MDGA2: variants seen among roughly 807,000 people sequenced by gnomAD.
The protein encoded by MDGA2 is MAM domain containing glycosylphosphatidylinositol anchor 2.
In MDGA2, 40 loss-of-function variants were observed where a neutral mutation model predicts 117.8. The ratio of observed to expected loss-of-function variants is 0.34; its 90% CI spans 0.26 to 0.44. MDGA2 has a LOEUF of 0.44. MDGA2 is among the 20% of genes least tolerant of loss of function. The pLI, the probability that MDGA2 is intolerant of heterozygous loss-of-function variation, is 1.00. For synonymous variants in MDGA2, 452 were observed against 439.0 expected, an observed-to-expected ratio of 1.03 and a Z score of -0.37; for missense variants, 1,123 against 1,250.6, an observed-to-expected ratio of 0.90 and a Z score of 1.54.
intron 10 of MDGA2, among the ~76,000 whole-genome samples, chr14:46,905,654 G>C (rs1883461266): frequency 6.6e-6 from 1 of 152,066 alleles, no homozygotes; most frequent in African/African-American, 2.4e-5. Flanking sequence ...TATATTGCTA[G>C]ATGCTTTGAG....
intron 10 of MDGA2, among the ~76,000 whole-genome samples, chr14:46,900,420 T>G (rs1173814856): frequency 2.0e-5 from 3 of 152,180 alleles, no homozygotes; most frequent in Non-Finnish European, 2.9e-5. Flanking sequence ...ATGCTTATAG[T>G]ACCTTTACTG....
chr14:47,146,883 C>G (rs1318322309), intron 3 of MDGA2, among the ~76,000 whole-genome samples: 39 of 152,180 alleles, frequency 2.6e-4, no homozygotes, highest in Admixed American at 2.6e-3. Context: ...CAGGAATAAA[C>G]CAAACCTGTT....
At chr14:47,425,359 T>C (rs1892665982) in intron 1 of MDGA2, among the ~76,000 whole-genome samples, 1 of 152,112 alleles carries the variant, frequency 6.6e-6, no homozygotes, top group Non-Finnish European at 1.5e-5. Flanking sequence ...TCATTTAATT[T>C]CAGTAGGAGA....
At chr14:47,144,973 TCCA>T (rs1882882434) in intron 3 of MDGA2, among the ~76,000 whole-genome samples, 1 of 151,808 alleles carries the variant, frequency 6.6e-6, no homozygotes, top group African/African-American at 2.4e-5. Flanking sequence ...TACTTCTTTT[TCCA>T]ATTATTTATA....
At chr14:47,259,342 A>C (rs1379540335) in intron 2 of MDGA2, among the ~76,000 whole-genome samples, 3 of 152,118 alleles carry the variant, frequency 2.0e-5, no homozygotes. Flanking sequence ...TTCTACTTGC[A>C]TACCCTTGTT....
At chr14:46,950,934 T>G (rs1288036393) in intron 9 of MDGA2, among the ~76,000 whole-genome samples, 1 of 151,834 alleles carries the variant, frequency 6.6e-6, no homozygotes, top group Non-Finnish European at 1.5e-5. Context: ...TCTGCTTTAG[T>G]AGTTGTTTCT....
At chr14:47,144,033 G>A in intron 4 of MDGA2, 45 bp downstream of exon 4, 1 of 1,354,806 alleles carries the variant, frequency 7.4e-7, no homozygotes, top group Non-Finnish European at 9.9e-7. Flanking sequence ...AATTAGGAAA[G>A]TATCCTAGCA....
chr14:47,356,157 C>G (rs982953904), intron 1 of MDGA2, among the ~76,000 whole-genome samples: 1 of 152,234 alleles, frequency 6.6e-6, no homozygotes, highest in African/African-American at 2.4e-5. Context: ...AGCCCAGGAG[C>G]CCCTAGAGGA....
chr14:47,476,050 A>C (rs1893829327), intron 1 of MDGA2, among the ~76,000 whole-genome samples: 1 of 152,242 alleles, frequency 6.6e-6, no homozygotes, highest in Admixed American at 6.5e-5. Context: ...TAAAGTAAAA[A>C]AAATCAATTT....
intron 1 of MDGA2, among the ~76,000 whole-genome samples, chr14:47,659,735 C>A (rs1165039967): frequency 6.6e-6 from 1 of 152,154 alleles, no homozygotes; most frequent in African/African-American, 2.4e-5. Context: ...CAGAGAAAGA[C>A]TTTAAAAAGG....
intron 7 of MDGA2, among the ~76,000 whole-genome samples, chr14:47,057,529 A>G (rs573633129): frequency 2.0e-4 from 31 of 152,224 alleles, no homozygotes; most frequent in African/African-American, 7.2e-4. Flanking sequence ...AAGTAAGACA[A>G]CCTATAATCA....
intron 1 of MDGA2, among the ~76,000 whole-genome samples, chr14:47,469,567 G>C (rs1893677754): frequency 1.3e-5 from 2 of 151,968 alleles, no homozygotes; most frequent in Non-Finnish European, 2.9e-5. Flanking sequence ...TGGACATTTG[G>C]GTTGGTTCCA....
intron 1 of MDGA2, among the ~76,000 whole-genome samples, chr14:47,447,317 T>G (rs1292909263): frequency 1.3e-5 from 2 of 152,250 alleles, no homozygotes; most frequent in East Asian, 3.9e-4. Context: ...CCAATGCCTC[T>G]CTCTGCTTCC....
intron 10 of MDGA2, among the ~76,000 whole-genome samples, chr14:46,906,034 AAG>A (rs1161504118): frequency 1.3e-5 from 2 of 151,982 alleles, no homozygotes; most frequent in Non-Finnish European, 1.5e-5. Context: ...CATTATATAA[AAG>A]AGTCATCAAT....
chr14:47,578,193 T>C (rs934196618), intron 1 of MDGA2, among the ~76,000 whole-genome samples: 1 of 151,962 alleles, frequency 6.6e-6, no homozygotes, highest in African/African-American at 2.4e-5. Flanking sequence ...CTACATGTTC[T>C]CACTCGTAAG....
intron 1 of MDGA2, among the ~76,000 whole-genome samples, chr14:47,476,201 T>C (rs1315563254): frequency 6.6e-6 from 1 of 152,176 alleles, no homozygotes; most frequent in Non-Finnish European, 1.5e-5. Context: ...TGAAATCTAG[T>C]GTTGGACATG....
chr14:47,380,664 G>A (rs1193043500), intron 1 of MDGA2, among the ~76,000 whole-genome samples: 4 of 151,978 alleles, frequency 2.6e-5, no homozygotes, highest in African/African-American at 9.7e-5. Flanking sequence ...AAACCAGGAA[G>A]AATCTGAATC....
At chr14:47,552,220 C>A (rs1895595326) in intron 1 of MDGA2, among the ~76,000 whole-genome samples, 1 of 152,124 alleles carries the variant, frequency 6.6e-6, no homozygotes, top group African/African-American at 2.4e-5. Flanking sequence ...AGAGATCTTA[C>A]CTAGGTCCAC....
intron 1 of MDGA2, among the ~76,000 whole-genome samples, chr14:47,623,644 G>T (rs1897089196): frequency 6.6e-6 from 1 of 151,734 alleles, no homozygotes; most frequent in African/African-American, 2.4e-5. Flanking sequence ...TCATTTAATT[G>T]TCATTACAAT....
Sources: gnomAD v4.1 joint callset for allele counts (sites outside exome capture counted in the v4.1 genomes callset) on GRCh38, gnomAD v4.1.1 for gene constraint, MANE v1.5 for transcripts, NCBI Gene and HGNC (gene_info 2026-07-23, HGNC 2026-07-21) for gene names.